KCNMB2: variants seen among roughly 807,000 people sequenced by gnomAD.
The protein encoded by KCNMB2 is calcium-activated potassium channel subunit beta-2.
In KCNMB2, 9 loss-of-function variants were observed where a neutral mutation model predicts 24.5. The ratio of observed to expected loss-of-function variants is 0.37; its 90% confidence interval spans 0.22 to 0.64. KCNMB2 has a LOEUF of 0.64. Among genes scored for constraint, KCNMB2 ranks in the 30% least tolerant of loss-of-function variants. The pLI is 0.63. For missense variants in KCNMB2, 226 were observed against 284.3 expected (o/e 0.79, Z 1.47); for synonymous variants, 109 against 104.4 (o/e 1.04, Z -0.27).
At chr3:178,651,313 T>A (rs1577072928) in intron 1 of KCNMB2, among the ~76,000 whole-genome samples, 1 of 152,118 alleles carries the variant, frequency 6.6e-6, no homozygotes, top group East Asian at 1.9e-4. Context: ...TGAACTCCCA[T>A]TCACAATTGC....
chr3:178,607,514 T>C (rs1444817900), intron 1 of KCNMB2, among the ~76,000 whole-genome samples: 1 of 152,174 alleles, frequency 6.6e-6, no homozygotes, highest in Non-Finnish European at 1.5e-5. Context: ...GTCTCTGTAA[T>C]GTAGGCATTG....
chr3:178,645,324 A>G (rs542050783), intron 1 of KCNMB2, among the ~76,000 whole-genome samples: 1 of 152,164 alleles, frequency 6.6e-6, no homozygotes, highest in South Asian at 2.1e-4. Flanking sequence ...TGCTAGGATT[A>G]CAAGTATGAG....
Position 178,817,225 on chromosome 3 carries a change from A to G in KCNMB2, c.57-8363A>G, listed in dbSNP as rs533745655. ...TCCTTCATGTTAATGACATATATATATAAATGAAGTGTGACTGTCATTTCT... is the reference window on the plus strand; with the variant it reads ...TCCTTCATGTTAATGACATATATATGTAAATGAAGTGTGACTGTCATTTCT... On this transcript the variant is annotated intron_variant, in intron 2 of 4. Coordinates refer to ENST00000452583, the MANE Select transcript of KCNMB2 (RefSeq NM_181361.3). 1.7e-4 allele frequency among the ~76,000 whole-genome samples: 25 copies of G among 150,372 alleles called. 1 individual carries two copies. In the East Asian group the frequency reaches 4.7e-3, roughly 28 times the overall value.
At chr3:178,583,485 A>C (rs1020353861) in intron 1 of KCNMB2, among the ~76,000 whole-genome samples, 10 of 152,230 alleles carry the variant, frequency 6.6e-5, no homozygotes, top group African/African-American at 2.4e-4. Context: ...GTAATTGTAA[A>C]TAGTTAAGAA....
At chr3:178,762,575 AGAATGTAAG>A (rs562326165) in intron 1 of KCNMB2, among the ~76,000 whole-genome samples, 24 of 152,298 alleles carry the variant, frequency 1.6e-4, no homozygotes, top group African/African-American at 4.8e-4. Context: ...TGCAGGGTGT[AGAATGTAAG>A]GGAACAGCCA....
intron 1 of KCNMB2, among the ~76,000 whole-genome samples, chr3:178,663,712 G>C (rs994571107): frequency 6.6e-6 from 1 of 152,122 alleles, no homozygotes; most frequent in Admixed American, 6.6e-5. Context: ...AAAGACAACA[G>C]TATTACCTCA....
At chr3:178,664,977 T>A (rs562667957) in intron 1 of KCNMB2, among the ~76,000 whole-genome samples, 2 of 152,250 alleles carry the variant, frequency 1.3e-5, no homozygotes, top group African/African-American at 4.8e-5. Context: ...GTATCATACA[T>A]GAGAAAGGAT....
chr3:178,582,818 T>C (rs1717266069), intron 1 of KCNMB2, among the ~76,000 whole-genome samples: 1 of 152,158 alleles, frequency 6.6e-6, no homozygotes, highest in Non-Finnish European at 1.5e-5. Context: ...TATGAAAAAA[T>C]AATAATGTCA....
intron 1 of KCNMB2, among the ~76,000 whole-genome samples, chr3:178,732,624 A>G (rs946544941): frequency 3.9e-5 from 6 of 152,200 alleles, no homozygotes; most frequent in African/African-American, 1.4e-4. Context: ...TGGAGAAAAC[A>G]CATGTGTTAA....
chr3:178,809,013 A>T (rs1714085615), intron 2 of KCNMB2, among the ~76,000 whole-genome samples: 1 of 152,186 alleles, frequency 6.6e-6, no homozygotes, highest in Non-Finnish European at 1.5e-5. Context: ...ACTTTACTTG[A>T]TCATCTCTAG....
intron 1 of KCNMB2, among the ~76,000 whole-genome samples, chr3:178,590,939 A>G (rs1717646601): frequency 6.6e-6 from 1 of 152,232 alleles, no homozygotes; most frequent in African/African-American, 2.4e-5. Flanking sequence ...TGAAAGAGAA[A>G]GCAAGTCTAC....
At chr3:178,723,102 T>A (rs183859871) in intron 1 of KCNMB2, among the ~76,000 whole-genome samples, 178 of 152,354 alleles carry the variant, frequency 1.2e-3, no homozygotes, top group Middle Eastern at 6.8e-3. Context: ...TACCACATTG[T>A]CTTACTATAG....
At chr3:178,739,958 C>T (rs7611588) in intron 1 of KCNMB2, among the ~76,000 whole-genome samples, 18,190 of 152,168 alleles carry the variant, frequency 0.12, 1,186 homozygotes, top group Non-Finnish European at 0.14. Context: ...ACAGCTACTG[C>T]TCAGCTCCAG....
chr3:178,754,177 T>TATATATATATATATACACAC (rs1435109631), intron 1 of KCNMB2, among the ~76,000 whole-genome samples: 10 of 117,218 alleles, frequency 8.5e-5, no homozygotes, highest in African/African-American at 3.0e-4. Context: ...TATATATATA[T>TATATATATATATATACACAC]ACACACACAC....
intron 1 of KCNMB2, among the ~76,000 whole-genome samples, chr3:178,759,416 T>TCTCTCTCCAAGAGG: frequency 2.7e-5 from 1 of 36,714 alleles, no homozygotes; most frequent in African/African-American, 3.3e-4. Flanking sequence ...TATATATATA[T>TCTCTCTCCAAGAGG]ATATATCTCT....
chr3:178,554,021 T>G (rs1716043453), intron 1 of KCNMB2, among the ~76,000 whole-genome samples: 1 of 152,226 alleles, frequency 6.6e-6, no homozygotes, highest in Non-Finnish European at 1.5e-5. Flanking sequence ...CATTTATTGA[T>G]TACCTATTAT....
At chr3:178,545,956 A>G (rs546883548) in intron 1 of KCNMB2, among the ~76,000 whole-genome samples, 5 of 152,144 alleles carry the variant, frequency 3.3e-5, no homozygotes, top group Non-Finnish European at 5.9e-5. Context: ...TGGTGGTTTT[A>G]TCTGTGTGGT....
intron 1 of KCNMB2, among the ~76,000 whole-genome samples, chr3:178,760,591 G>C (rs1294516382): frequency 6.8e-6 from 1 of 146,812 alleles, no homozygotes; most frequent in East Asian, 2.0e-4. Flanking sequence ...TCCTTCTTTG[G>C]TTTCACTTCT....
intron 2 of KCNMB2, among the ~76,000 whole-genome samples, chr3:178,814,980 T>A (rs1353738216): frequency 1.3e-5 from 2 of 152,190 alleles, no homozygotes; most frequent in Non-Finnish European, 2.9e-5. Flanking sequence ...TTTAATTAAG[T>A]CCCATTTGTC....
Sources: allele counts gnomAD v4.1 joint callset (sites outside exome capture counted in the v4.1 genomes callset), GRCh38; gene constraint gnomAD v4.1.1; transcripts MANE v1.5; gene names NCBI Gene and HGNC (gene_info 2026-07-23, HGNC 2026-07-21).